The following DUSP5 variants were observed in gnomAD, a reference collection of about 807,000 sequenced individuals.
The protein encoded by DUSP5 is dual specificity protein phosphatase 5.
In DUSP5, 22 loss-of-function variants were observed where a neutral mutation model predicts 33.6. The ratio of observed to expected loss-of-function variants is 0.66; its 90% CI spans 0.47 to 0.94. The LOEUF (loss-of-function observed/expected upper bound fraction) is 0.94. Ranked by LOEUF, DUSP5 falls within the 40% of genes least tolerant of loss-of-function variation. DUSP5 has a pLI of 0.00. For missense variants in DUSP5, 551 were observed against 522.1 expected (o/e 1.06, Z -0.54); for synonymous variants, 270 against 231.1 (o/e 1.17, Z -1.53).
chr10:110,499,829 G>A (rs893664727), intron 1 of DUSP5, among the ~76,000 whole-genome samples: 1 of 152,144 alleles, frequency 6.6e-6, no homozygotes, highest in Non-Finnish European at 1.5e-5. Flanking sequence ...GTGGTTTGGA[G>A]AAGTTTCTGC....
At position 110,502,727 on chromosome 10, in the gene DUSP5, A is replaced by G. The variant is rs1431283987; in HGVS notation, c.386A>G (p.Tyr129Cys). The change falls in exon 2 of 4, where the codon TAT becomes TGT. Residue 129 changes from tyrosine to cysteine, a missense_variant. Tyr to Cys is a radical substitution (Grantham distance 194). Around this residue, in one of 3 missense-constraint regions of DUSP5, gnomAD observed 381 missense variants for 310.4 expected, o/e 1.23. Coordinates refer to ENST00000369583, the MANE Select transcript of DUSP5 (RefSeq NM_004419.4). ...TTTTTGTTTGTTTTTGTAGGGGGAT[A>G]TGAGACTTTCTACTCGGAATATCCT... is the stretch of plus-strand genomic sequence containing the variant. The part of the protein sequence containing the change: ...GPRVYFLKGG[Y>C]ETFYSEYPEC... 1.9e-6 allele frequency: 3 copies of G among 1,613,604 alleles called. No homozygotes were observed. The highest frequency in any genetic ancestry group is 2.5e-6 in the Non-Finnish European group (3 of 1,179,770).
intron 1 of DUSP5, 146 bp from the exon 2 acceptor site, chr10:110,502,575 C>G: frequency 2.2e-6 from 2 of 928,310 alleles, no homozygotes; most frequent in Non-Finnish European, 3.1e-6. Context: ...GCTGGTTTTG[C>G]TCAATTTTTA....
At position 110,498,297 on chromosome 10, in the gene DUSP5, C is replaced by T; in HGVS notation, c.176C>T (p.Ala59Val). ...SVVLRRARGG[A>V]VSARYVLPDE... ...GTGCTGCGGCGGGCCCGGGGCGGCG[C>T]GGTGTCGGCGCGCTACGTGCTGCCC... Residue 59 changes from alanine to valine, a missense_variant, in exon 1 of 4, where the codon GCG (alanine) becomes GTG (valine). Ala to Val is a moderately conservative substitution (Grantham distance 64). This residue lies in a region of DUSP5 where 381 missense variants were observed against 310.4 expected (regional missense o/e 1.23). Transcript: ENST00000369583. 7.0e-7 allele frequency: 1 copy of T among 1,434,494 alleles called. No individual in the cohort carries two copies. The highest frequency in any genetic ancestry group is 9.2e-7 in the Non-Finnish European group (1 of 1,088,564). 88.9% of individuals were successfully genotyped at this position (1,434,494 alleles called of 1,614,324 possible).
At chr10:110,508,872 G>C (rs1860151556) in intron 3 of DUSP5, among the ~76,000 whole-genome samples, 1 of 152,208 alleles carries the variant, frequency 6.6e-6, no homozygotes, top group South Asian at 2.1e-4. Context: ...TTTTTGTTCA[G>C]ATGGGGAAAC....
rs1003073546 is a variant in DUSP5, at chr10:110,507,260, C to T, written c.748+106C>T. ...GCTACCTTCACTGAAAGAAAAGTGT[C>T]TTGTATATGCCGCTGCTGAGAGTTG... is the stretch of plus-strand genomic sequence containing the variant. On this transcript the variant is annotated intron_variant, in intron 3 of 3. Coordinates refer to ENST00000369583, the MANE Select transcript of DUSP5 (RefSeq NM_004419.4). The T allele has an allele frequency of 1.0e-5, 12 of 1,167,676 alleles. No individual in the cohort carries two copies. In the African/African-American group the frequency reaches 1.8e-4, roughly 18 times the overall value. The allele number at this position is 1,167,676 out of a possible 1,614,324, so 72.3% of individuals were successfully genotyped here. A position where few individuals can be genotyped will look rare whatever the true frequency, so the allele number is the denominator to read the frequency against.
At chr10:110,499,611 A>G (rs911422304) in intron 1 of DUSP5, among the ~76,000 whole-genome samples, 16 of 152,136 alleles carry the variant, frequency 1.1e-4, no homozygotes, top group African/African-American at 3.1e-4. Flanking sequence ...GGCCAGGAAG[A>G]TTCTGGAGAC....
In DUSP5 at chr10:110,507,001, T is replaced by C; in HGVS notation, c.595T>C (p.Phe199Leu). The C allele has an allele frequency of 1.2e-6, 2 of 1,614,236 alleles. No homozygotes were observed. The highest frequency in any genetic ancestry group is 1.7e-6 in the Non-Finnish European group (2 of 1,180,042). ...TGCCTACCATGCATCCAAGTGCGAG[T>C]TCCTCGCCAACCTGCACATCACAGC... ...GSAYHASKCE[F>L]LANLHITALL... Residue 199 changes from phenylalanine to leucine, a missense_variant, in exon 3 of 4, where the codon TTC (phenylalanine) becomes CTC (leucine). Around this residue, in one of 3 missense-constraint regions of DUSP5, gnomAD observed 381 missense variants for 310.4 expected, o/e 1.23. Transcript: ENST00000369583.
intron 2 of DUSP5, among the ~76,000 whole-genome samples, chr10:110,505,407 G>C (rs776967480): frequency 6.6e-6 from 1 of 152,252 alleles, no homozygotes; most frequent in Non-Finnish European, 1.5e-5. Context: ...AGCCATAGTA[G>C]ATGCTGATAA....
chr10:110,502,458 A>T (rs1012777016), intron 1 of DUSP5, among the ~76,000 whole-genome samples: 7 of 152,218 alleles, frequency 4.6e-5, no homozygotes, highest in African/African-American at 1.7e-4. Context: ...TTTCTTTCAC[A>T]GTTTAATCTG....
intron 2 of DUSP5, among the ~76,000 whole-genome samples, chr10:110,504,024 G>A (rs1327813786): frequency 6.6e-6 from 1 of 152,228 alleles, no homozygotes; most frequent in Non-Finnish European, 1.5e-5. Flanking sequence ...AGATGCCAGG[G>A]TTAGGATTTT....
chr10:110,509,471 G>A (rs1002759476), intron 3 of DUSP5, among the ~76,000 whole-genome samples: 2 of 152,214 alleles, frequency 1.3e-5, no homozygotes, highest in Non-Finnish European at 2.9e-5. Flanking sequence ...CAGACAGGGT[G>A]CCCGGAGAGA....
chr10:110,498,590 G>T, intron 1 of DUSP5, 90 bp downstream of exon 1: 1 of 1,323,650 alleles, frequency 7.6e-7, no homozygotes, highest in Non-Finnish European at 9.6e-7. Context: ...CCCTGGGACC[G>T]GGAGAGTCAC....
chr10:110,499,527 AG>A (rs1860013408), intron 1 of DUSP5, among the ~76,000 whole-genome samples: 1 of 151,784 alleles, frequency 6.6e-6, no homozygotes, highest in Non-Finnish European at 1.5e-5. Flanking sequence ...TGGGGATCAG[AG>A]CTCGGTGCAG....
In DUSP5 at chr10:110,507,144, A is replaced by G; in HGVS notation, c.738A>G (p.Ile246Met). 1 of 1,613,488 alleles carries G rather than the reference A, an allele frequency of 6.2e-7. No homozygotes were observed. The change falls in exon 3 of 4, where the codon ATA (isoleucine) becomes ATG (methionine). Residue 246 changes from isoleucine to methionine, a missense_variant. Transcript: ENST00000369583. ...TTAGCTCCCACTTTCAAGAAGCAAT[A>G]GACTTCATTGGTAGGTTTAGCCATT... ...ADISSHFQEA[I>M]DFIDCVREKG...
Position 110,498,348 on chromosome 10 carries a change from T to C in DUSP5, c.227T>C (p.Leu76Pro). 7.2e-7 allele frequency: 1 copy of C among 1,381,910 alleles called. No individual in the cohort carries two copies. Among genetic ancestry groups the C allele is most frequent in the Non-Finnish European group, 9.4e-7 (1 of 1,067,404 alleles). The allele number at this position is 1,381,910 out of a possible 1,614,324, so 85.6% of individuals were successfully genotyped here. A position where few individuals can be genotyped will look rare whatever the true frequency, so the allele number is the denominator to read the frequency against. Reference sequence around the variant, plus strand: ...GACGAGGCGGCGCGCGCGCGGCTCCTGCAGGAGGGCGGCGGCGGCGTCGCG... The same window carrying C: ...GACGAGGCGGCGCGCGCGCGGCTCCCGCAGGAGGGCGGCGGCGGCGTCGCG... ...LPDEAARARL[L>P]QEGGGGVAAV... The change falls in exon 1 of 4, where the codon CTG (leucine) becomes CCG (proline). Residue 76 changes from leucine to proline, a missense_variant. Leu to Pro is a moderately conservative substitution (Grantham distance 98). Around this residue, in one of 3 missense-constraint regions of DUSP5, gnomAD observed 381 missense variants for 310.4 expected, o/e 1.23. Transcript: ENST00000369583.
chr10:110,501,804 C>T (rs764098952), intron 1 of DUSP5, among the ~76,000 whole-genome samples: 4 of 152,158 alleles, frequency 2.6e-5, no homozygotes, highest in Admixed American at 6.5e-5. Context: ...CCTTTTCATT[C>T]GGTTCTTCCC....
chr10:110,509,121 T>G (rs1860154665), intron 3 of DUSP5, among the ~76,000 whole-genome samples: 1 of 152,192 alleles, frequency 6.6e-6, no homozygotes, highest in Non-Finnish European at 1.5e-5. Flanking sequence ...AAGACTGTAT[T>G]TTTTGTGGAT....
At chr10:110,503,967 C>A (rs188564423) in intron 2 of DUSP5, among the ~76,000 whole-genome samples, 1 of 152,356 alleles carries the variant, frequency 6.6e-6, no homozygotes, top group African/African-American at 2.4e-5. Flanking sequence ...AGCCAGATGA[C>A]CTTTTCTTGA....
chr10:110,507,274 T>C, intron 3 of DUSP5, 120 bp downstream of exon 3: 1 of 1,030,098 alleles, frequency 9.7e-7, no homozygotes, highest in East Asian at 2.6e-5. Flanking sequence ...TATATGCCGC[T>C]GCTGAGAGTT....
Sources: gnomAD v4.1 joint callset for allele counts (sites outside exome capture counted in the v4.1 genomes callset) on GRCh38, gnomAD v4.1.1 for gene constraint, gnomAD v4.1.1 regional missense constraint, MANE v1.5 for transcripts, NCBI Gene and HGNC (gene_info 2026-07-23, HGNC 2026-07-21) for gene names.